ASZ1: variants seen among roughly 807,000 people sequenced by gnomAD.
The protein encoded by ASZ1 is ankyrin repeat, SAM and basic leucine zipper domain containing 1.
In ASZ1, 67 loss-of-function variants were observed where a neutral mutation model predicts 61.8. That is an observed-to-expected ratio of 1.08 (90% CI 0.89 to 1.33). The LOEUF (loss-of-function observed/expected upper bound fraction) is 1.33, where lower values mean the gene tolerates loss of function less well. Ranked by LOEUF, ASZ1 falls within the 40% of genes most tolerant of loss-of-function variation. The pLI, the probability that ASZ1 is intolerant of heterozygous loss-of-function variation, is 0.00. For synonymous variants in ASZ1, 193 were observed against 192.7 expected (o/e 1.00, Z -0.01); for missense variants, 577 against 554.5 (o/e 1.04, Z -0.41).
Position 117,375,452 on chromosome 7 carries a change from C to T in ASZ1, c.1055+4486G>A, listed in dbSNP as rs549964015. On this transcript the variant is annotated intron_variant, in intron 10 of 12. Transcript: ENST00000284629. ...ATGATTCTTCATGTATATTAAGGCC[C>T]ATCCTATAGAAATATAGTTAATCTT... Among the ~76,000 whole-genome samples the T allele has an allele frequency of 7.2e-5, 11 of 152,110 alleles. No individual in the cohort carries two copies. The East Asian group carries it at 7.7e-4, about 11-fold the overall frequency.
intron 12 of ASZ1, among the ~76,000 whole-genome samples, chr7:117,364,419 C>CAGAG (rs35394991): frequency 9.6e-5 from 14 of 145,214 alleles, no homozygotes; most frequent in Admixed American, 4.1e-4. Flanking sequence ...GACAGAGAGA[C>CAGAG]AGAGAGAGAG....
intron 4 of ASZ1, among the ~76,000 whole-genome samples, chr7:117,390,302 T>C (rs1382400941): frequency 6.6e-6 from 1 of 152,086 alleles, no homozygotes; most frequent in Non-Finnish European, 1.5e-5. Context: ...CCCAGGTAGC[T>C]GAGACCACAG....
intron 12 of ASZ1, among the ~76,000 whole-genome samples, chr7:117,365,364 A>G (rs546017454): frequency 6.6e-6 from 1 of 152,342 alleles, no homozygotes; most frequent in East Asian, 1.9e-4. Flanking sequence ...CATTATTAAA[A>G]TAAATATGGT....
intron 2 of ASZ1, among the ~76,000 whole-genome samples, chr7:117,426,445 C>T (rs769756124): frequency 1.4e-4 from 19 of 138,338 alleles, no homozygotes; most frequent in Non-Finnish European, 2.0e-4. Context: ...GCCAAGATCG[C>T]GCCACTGCAC....
chr7:117,427,470 G>C lies in ASZ1; in HGVS notation c.-10C>G, dbSNP rs984728885. 6.2e-7 allele frequency: 1 copy of C among 1,613,610 alleles called. No individual in the cohort carries two copies. ...GCGCGCTCGCCGCCATGCCAGCCAA[G>C]GAAGCTCCCTGTCGGCACCGCGCGC... On this transcript the variant is annotated 5_prime_UTR_variant, in exon 1 of 13. Transcript: ENST00000284629.
In ASZ1 at chr7:117,368,626, C is replaced by A; in HGVS notation, c.1147G>T (p.Val383Leu). The A allele has an allele frequency of 6.2e-7, 1 of 1,610,926 alleles. No homozygotes were observed. Among genetic ancestry groups the A allele is most frequent in the South Asian group, 1.1e-5 (1 of 90,206 alleles). Residue 383 changes from valine to leucine, a missense_variant, in exon 11 of 13, where the codon GTA (valine) becomes TTA (leucine). Physicochemically the swap from Val to Leu is conservative, Grantham distance 32. Coordinates refer to ENST00000284629, the MANE Select transcript of ASZ1 (RefSeq NM_130768.3). ...TTGTAGAATACCTTTTGAGAATTTA[C>A]AGGTAACTCAGTAATAACATTCTGT... ...AVQNVITELP[V>L]NSQKITLEWA... is the part of the protein sequence containing the mutation.
chr7:117,426,424 G>C (rs548701734), intron 2 of ASZ1, among the ~76,000 whole-genome samples: 1 of 126,074 alleles, frequency 7.9e-6, no homozygotes, highest in East Asian at 2.7e-4. Context: ...CGAAGGTGGA[G>C]ATTGCAGTGA....
intron 4 of ASZ1, among the ~76,000 whole-genome samples, chr7:117,404,606 T>C (rs1796747068): frequency 6.6e-6 from 1 of 152,160 alleles, no homozygotes; most frequent in Non-Finnish European, 1.5e-5. Context: ...TTCTCTTTTA[T>C]TCTGGCAGTA....
At chr7:117,406,516 G>A (rs1278082439) in intron 4 of ASZ1, among the ~76,000 whole-genome samples, 1 of 152,156 alleles carries the variant, frequency 6.6e-6, no homozygotes, top group Non-Finnish European at 1.5e-5. Flanking sequence ...CACTTTGGGA[G>A]GCCAAGGCAG....
In ASZ1 at chr7:117,382,972, A is replaced by G; in HGVS notation, c.812+14T>C. On this transcript the variant is annotated intron_variant, in intron 7 of 12. Transcript: ENST00000284629. ...CTTATAGGTATTCTGTTGAACTAAA[A>G]CATGCTATATTACCTAAAAATGTGA... 2 of 1,542,682 alleles carry G rather than the reference A, an allele frequency of 1.3e-6. No homozygotes were observed. Among genetic ancestry groups the G allele is most frequent in the Non-Finnish European group, 1.7e-6 (2 of 1,148,126 alleles).
intron 10 of ASZ1, among the ~76,000 whole-genome samples, 157 bp from the exon 11 acceptor site, chr7:117,368,874 G>T (rs1795995246): frequency 6.6e-6 from 1 of 152,136 alleles, no homozygotes; most frequent in African/African-American, 2.4e-5. Context: ...AACAGGCATT[G>T]ATTATAAAAG....
intron 8 of ASZ1, among the ~76,000 whole-genome samples, 154 bp from the exon 9 acceptor site, chr7:117,381,221 T>TA (rs1410190715): frequency 6.6e-6 from 1 of 152,088 alleles, no homozygotes; most frequent in Admixed American, 6.6e-5. Flanking sequence ...ACTATGCTAC[T>TA]GAGTAGACAG....
intron 4 of ASZ1, 85 bp downstream of exon 4, chr7:117,420,078 A>G (rs547295199): frequency 1.1e-6 from 1 of 938,422 alleles, no homozygotes; most frequent in South Asian, 1.8e-5. Flanking sequence ...TGGCCAAGTA[A>G]ACATTGTTCA....
intron 7 of ASZ1, 65 bp downstream of exon 7, chr7:117,382,921 C>T: frequency 7.2e-7 from 1 of 1,392,170 alleles, no homozygotes; most frequent in Admixed American, 2.8e-5. Flanking sequence ...ACCACATTTA[C>T]TACAATAAAA....
chr7:117,369,455 A>G (rs1057444404), intron 10 of ASZ1, among the ~76,000 whole-genome samples: 10 of 152,220 alleles, frequency 6.6e-5, no homozygotes, highest in African/African-American at 2.4e-4. Flanking sequence ...GAAATTTGAA[A>G]ATTAGACTTT....
intron 4 of ASZ1, among the ~76,000 whole-genome samples, chr7:117,413,950 G>C (rs1032998365): frequency 3.0e-4 from 46 of 152,124 alleles, no homozygotes; most frequent in African/African-American, 1.1e-3. Context: ...AAAAACTGAG[G>C]AACTAAATCC....
chr7:117,418,787 C>T (rs1021526323), intron 4 of ASZ1, among the ~76,000 whole-genome samples: 4 of 152,054 alleles, frequency 2.6e-5, no homozygotes, highest in African/African-American at 7.2e-5. Context: ...CATAGTGAAA[C>T]CCCGTCTCTA....
chr7:117,403,869 A>G (rs115984877), intron 4 of ASZ1, among the ~76,000 whole-genome samples: 3,398 of 152,204 alleles, frequency 0.022, 124 homozygotes, highest in African/African-American at 0.078. Flanking sequence ...TCCACTTCCC[A>G]TCAGATCAGT....
chr7:117,402,269 A>T (rs1374710170), intron 4 of ASZ1, among the ~76,000 whole-genome samples: 3 of 152,126 alleles, frequency 2.0e-5, no homozygotes, highest in Admixed American at 2.0e-4. Context: ...TAATGTTGCA[A>T]GTATGTATGC....
Sources: gnomAD v4.1 joint callset for allele counts (sites outside exome capture counted in the v4.1 genomes callset) on GRCh38, gnomAD v4.1.1 for gene constraint, MANE v1.5 for transcripts, NCBI Gene and HGNC (gene_info 2026-07-23, HGNC 2026-07-21) for gene names.